ADAM22: variants seen among roughly 807,000 people sequenced by gnomAD.
ADAM22 encodes the protein disintegrin and metalloproteinase domain-containing protein 22.
Under a neutral mutation model 144.6 loss-of-function variants are expected in ADAM22, and 65 were observed. The ratio of observed to expected loss-of-function variants is 0.45; its 90% confidence interval spans 0.37 to 0.55. ADAM22 has a LOEUF of 0.55. ADAM22 is among the 20% of genes least tolerant of loss of function. ADAM22 has a pLI of 0.00. For missense variants in ADAM22, 974 were observed against 1,184.9 expected, an observed-to-expected ratio of 0.82 and a Z score of 2.61; for synonymous variants, 391 against 412.6, an observed-to-expected ratio of 0.95 and a Z score of 0.63.
intron 4 of ADAM22, among the ~76,000 whole-genome samples, chr7:88,085,716 G>T (rs1344803311): frequency 6.6e-6 from 1 of 152,148 alleles, no homozygotes; most frequent in Non-Finnish European, 1.5e-5. Flanking sequence ...AAGAAATAAA[G>T]CTCGGCCAGC....
chr7:88,126,487 A>T (rs1355192661), intron 8 of ADAM22, among the ~76,000 whole-genome samples: 1 of 152,024 alleles, frequency 6.6e-6, no homozygotes, highest in Admixed American at 6.6e-5. Flanking sequence ...ATTGTGAATA[A>T]TTATTGCTAA....
chr7:88,143,062 T>C lies in ADAM22; in HGVS notation c.1257T>C (p.Ile419=), dbSNP rs763920418. ...YLPKKFTQCN[I]EEYHDFLNSG... ...CTAAAAAGTTCACCCAGTGTAATATTGAAGAGTATCATGACTTCCTGAATA... is the reference window on the plus strand; with the variant it reads ...CTAAAAAGTTCACCCAGTGTAATATCGAAGAGTATCATGACTTCCTGAATA... Residue 419 remains isoleucine, a synonymous_variant, in exon 15 of 32, where the codon ATT becomes ATC. Transcript: ENST00000413139. 2 of 1,612,780 alleles carry C rather than the reference T, an allele frequency of 1.2e-6. No homozygotes were observed. The highest frequency in any genetic ancestry group is 2.7e-5 in the African/African-American group (2 of 74,902).
chr7:88,151,385 G>T, intron 20 of ADAM22, 65 bp downstream of exon 20: 1 of 1,584,146 alleles, frequency 6.3e-7, no homozygotes, highest in Non-Finnish European at 8.7e-7. Flanking sequence ...TCAAGGACGT[G>T]TGTGCTGGAA....
Position 88,014,626 on chromosome 7 carries a change from C to T in ADAM22, c.323+36214C>T, listed in dbSNP as rs138815899. Among the ~76,000 whole-genome samples the T allele has an allele frequency of 6.4e-3, 968 of 152,086 alleles. 12 individuals are homozygous for T. Among genetic ancestry groups the T allele is most frequent in the Non-Finnish European group, 9.1e-3 (619 of 67,982 alleles). Reference sequence around the variant, plus strand: ...GGGGTGGTGGCAGACACCTGTAATCCCAGCTACTCAGGAGGCTGAAGCAGG... The same window carrying T: ...GGGGTGGTGGCAGACACCTGTAATCTCAGCTACTCAGGAGGCTGAAGCAGG... On this transcript the variant is annotated intron_variant, in intron 3 of 31. Transcript: ENST00000413139.
intron 3 of ADAM22, among the ~76,000 whole-genome samples, chr7:88,038,612 G>A (rs1469181464): frequency 1.3e-5 from 2 of 151,598 alleles, no homozygotes; most frequent in African/African-American, 2.4e-5. Context: ...GCACCACCAT[G>A]CCCGGCTAAT....
intron 9 of ADAM22, among the ~76,000 whole-genome samples, chr7:88,129,140 A>C (rs1831131642): frequency 6.6e-6 from 1 of 152,062 alleles, no homozygotes; most frequent in African/African-American, 2.4e-5. Flanking sequence ...CTAACCATTT[A>C]GCTTAGGATG....
chr7:88,173,698 G>T (rs2299206), intron 26 of ADAM22, among the ~76,000 whole-genome samples: 20,254 of 151,978 alleles, frequency 0.13, 1,951 homozygotes, highest in East Asian at 0.48. Flanking sequence ...GATTTTAAAT[G>T]AGGTTTTTCT....
In ADAM22 at chr7:87,934,417, C is replaced by T; in HGVS notation, c.-49C>T. 2.0e-6 allele frequency: 3 copies of T among 1,537,840 alleles called. No homozygotes were observed. The highest frequency in any genetic ancestry group is 2.6e-6 in the Non-Finnish European group (3 of 1,144,806). ...GCGAGGGAAACGGACTCGGCGGCGC[C>T]GGCATGAGGAGCTGAGCGTCTCGGG... On this transcript the variant is annotated 5_prime_UTR_variant, in exon 1 of 32. Transcript: ENST00000413139.
intron 3 of ADAM22, among the ~76,000 whole-genome samples, chr7:87,984,683 C>CT (rs1854514720): frequency 6.6e-6 from 1 of 152,010 alleles, no homozygotes; most frequent in Non-Finnish European, 1.5e-5. Context: ...ATATAAACTT[C>CT]TAGGGACTTA....
chr7:87,966,721 G>GTTTTGT (rs1849133633), intron 2 of ADAM22, among the ~76,000 whole-genome samples: 1 of 39,886 alleles, frequency 2.5e-5, no homozygotes, highest in South Asian at 1.7e-3. Flanking sequence ...AAGGAAAGCC[G>GTTTTGT]TTTTTTTTTT....
At chr7:87,981,878 G>A (rs905155215) in intron 3 of ADAM22, among the ~76,000 whole-genome samples, 3 of 151,414 alleles carry the variant, frequency 2.0e-5, no homozygotes, top group African/African-American at 7.3e-5. Flanking sequence ...TGATAATAAT[G>A]ATAACAATAG....
chr7:87,945,707 G>T (rs367633848), intron 2 of ADAM22, among the ~76,000 whole-genome samples: 11 of 151,878 alleles, frequency 7.2e-5, no homozygotes, highest in South Asian at 4.2e-4. Flanking sequence ...AGAGACGGGG[G>T]TTTCACCTTC....
At chr7:88,005,344 C>T (rs539639838) in intron 3 of ADAM22, among the ~76,000 whole-genome samples, 2 of 152,170 alleles carry the variant, frequency 1.3e-5, no homozygotes, top group Non-Finnish European at 2.9e-5. Flanking sequence ...CTGGGCATTG[C>T]AGGGGTAGTG....
At chr7:87,953,448 G>A (rs1424318589) in intron 2 of ADAM22, among the ~76,000 whole-genome samples, 1 of 152,184 alleles carries the variant, frequency 6.6e-6, no homozygotes. Context: ...GTAGTTGAGC[G>A]GTTTTGAGTG....
chr7:87,982,678 T>TATAC (rs1853873693), intron 3 of ADAM22, among the ~76,000 whole-genome samples: 1 of 64,118 alleles, frequency 1.6e-5, no homozygotes, highest in Non-Finnish European at 3.0e-5. Context: ...TACATATATA[T>TATAC]ATATATATAT....
intron 14 of ADAM22, among the ~76,000 whole-genome samples, chr7:88,138,403 T>C (rs1463633957): frequency 6.6e-6 from 1 of 152,200 alleles, no homozygotes; most frequent in African/African-American, 2.4e-5. Context: ...TACGTACAGC[T>C]GTGTACATTG....
intron 9 of ADAM22, 123 bp from the exon 10 acceptor site, chr7:88,130,265 C>A: frequency 1.4e-6 from 1 of 710,576 alleles, no homozygotes. Context: ...CACATTTTTA[C>A]AGAAAAGATT....
intron 4 of ADAM22, among the ~76,000 whole-genome samples, chr7:88,081,662 T>G (rs888068224): frequency 7.3e-6 from 1 of 137,188 alleles, no homozygotes; most frequent in Non-Finnish European, 1.5e-5. Flanking sequence ...ACAAAATCAA[T>G]GTCCAAAAAT....
Position 88,090,885 on chromosome 7 carries a change from C to T in ADAM22, c.390+15193C>T, listed in dbSNP as rs556403024. On this transcript the variant is annotated intron_variant, in intron 4 of 31. Transcript: ENST00000413139. ...TGGTTCCTGTGGGTTTGAGCTGTTG[C>T]CCATTTTTAAGTACTTTCATTTTTA... Among the ~76,000 whole-genome samples the T allele has an allele frequency of 1.1e-4, 16 of 152,186 alleles. No homozygotes were observed. The East Asian group carries it at 3.1e-3, about 29-fold the overall frequency.
Sources: gnomAD v4.1 joint callset for allele counts (sites outside exome capture counted in the v4.1 genomes callset) on GRCh38, gnomAD v4.1.1 for gene constraint, MANE v1.5 for transcripts, NCBI Gene and HGNC (gene_info 2026-07-23, HGNC 2026-07-21) for gene names.